The following ZNF804B variants were observed in gnomAD, a reference collection of about 807,000 sequenced individuals.
The protein encoded by ZNF804B is zinc finger 804B.
Under a neutral mutation model 101.4 loss-of-function variants are expected in ZNF804B, and 80 were observed. The observed-to-expected ratio is 0.79, with a 90% CI of 0.66 to 0.95. The LOEUF is 0.95. Among genes scored for constraint, ZNF804B ranks in the 40% least tolerant of loss-of-function variants. The pLI is 0.00. For synonymous variants in ZNF804B, 622 were observed against 558.8 expected (o/e 1.11, Z -1.59); for missense variants, 1,673 against 1,561.9 (o/e 1.07, Z -1.20).
intron 1 of ZNF804B, among the ~76,000 whole-genome samples, chr7:88,779,837 C>T (rs1450380437): frequency 6.6e-6 from 1 of 152,072 alleles, no homozygotes; most frequent in Non-Finnish European, 1.5e-5. Flanking sequence ...ATCTGTTCTC[C>T]TTTCTTCGAT....
intron 1 of ZNF804B, among the ~76,000 whole-genome samples, chr7:89,195,893 A>AG (rs55773962): frequency 0.74 from 112,714 of 151,648 alleles, 42,907 homozygotes; most frequent in African/African-American, 0.87. Flanking sequence ...CACTGCTCAA[A>AG]AAATCAGAGA....
At chr7:88,976,408 T>G (rs556926055) in intron 1 of ZNF804B, among the ~76,000 whole-genome samples, 3 of 151,824 alleles carry the variant, frequency 2.0e-5, no homozygotes, top group Admixed American at 6.6e-5. Flanking sequence ...CCATTTTTTG[T>G]GTCCTCTTCA....
chr7:89,125,387 T>C (rs1253229943), intron 1 of ZNF804B, among the ~76,000 whole-genome samples: 1 of 151,852 alleles, frequency 6.6e-6, no homozygotes, highest in Non-Finnish European at 1.5e-5. Flanking sequence ...ATCAAAATAA[T>C]TTATGCCTGG....
At chr7:89,138,409 C>T (rs571963111) in intron 1 of ZNF804B, among the ~76,000 whole-genome samples, 11 of 152,220 alleles carry the variant, frequency 7.2e-5, no homozygotes, top group Middle Eastern at 3.4e-3. Flanking sequence ...TAGGAAGTAA[C>T]TTACTTGCTT....
At chr7:89,222,012 TAAAAG>T (rs1476243216) in intron 2 of ZNF804B, among the ~76,000 whole-genome samples, 1 of 151,934 alleles carries the variant, frequency 6.6e-6, no homozygotes, top group Non-Finnish European at 1.5e-5. Flanking sequence ...GTAGGACACT[TAAAAG>T]AGAGCACACA....
intron 3 of ZNF804B, among the ~76,000 whole-genome samples, chr7:89,330,935 A>G (rs1327240666): frequency 6.6e-6 from 1 of 151,162 alleles, no homozygotes; most frequent in Non-Finnish European, 1.5e-5. Flanking sequence ...TTAGATTAAC[A>G]TAAAGCAAGA....
At chr7:88,827,027 G>T (rs1226782771) in intron 1 of ZNF804B, among the ~76,000 whole-genome samples, 2 of 152,212 alleles carry the variant, frequency 1.3e-5, no homozygotes, top group Admixed American at 1.3e-4. Context: ...TTTGAAAATT[G>T]TGTAGATAAA....
At chr7:89,271,448 A>G (rs1269562458) in intron 2 of ZNF804B, among the ~76,000 whole-genome samples, 3 of 152,088 alleles carry the variant, frequency 2.0e-5, no homozygotes, top group Non-Finnish European at 2.9e-5. Flanking sequence ...GCTTTTTGAT[A>G]TGTTGCTGGA....
At chr7:89,252,513 C>G (rs544181544) in intron 2 of ZNF804B, among the ~76,000 whole-genome samples, 2 of 152,124 alleles carry the variant, frequency 1.3e-5, no homozygotes, top group African/African-American at 4.8e-5. Context: ...ACCATTTGAT[C>G]CAGCAATCCC....
At chr7:88,862,485 A>G (rs1271196250) in intron 1 of ZNF804B, among the ~76,000 whole-genome samples, 1 of 152,178 alleles carries the variant, frequency 6.6e-6, no homozygotes, top group Non-Finnish European at 1.5e-5. Context: ...ATGGAAAACA[A>G]TGTTATGAGC....
At chr7:88,847,689 T>C (rs955095591) in intron 1 of ZNF804B, among the ~76,000 whole-genome samples, 4 of 152,062 alleles carry the variant, frequency 2.6e-5, no homozygotes, top group African/African-American at 7.2e-5. Context: ...TATGATAAAG[T>C]GTGATGAGTG....
rs57967179 is a variant in ZNF804B at position 88,892,211 on chromosome 7, C to T, written c.108+132127C>T. Among the ~76,000 whole-genome samples, 143 of 152,058 alleles carry T rather than the reference C, an allele frequency of 9.4e-4. 1 individual carries two copies. The highest frequency in any genetic ancestry group is 3.3e-3 in the African/African-American group (136 of 41,464). ...GTGTATTTAGATCTACATTTATTTT[C>T]TAATTTGTATGATCTCTGTTATTTC... On this transcript the variant is annotated intron_variant, in intron 1 of 3. Transcript: ENST00000333190.
chr7:89,100,878 TAATTA>T (rs1309255447), intron 1 of ZNF804B, among the ~76,000 whole-genome samples: 2 of 151,970 alleles, frequency 1.3e-5, no homozygotes, highest in Non-Finnish European at 2.9e-5. Context: ...AAATATTAAA[TAATTA>T]AAAGAAACCA....
rs1788952331 is a variant in ZNF804B at position 89,219,707 on chromosome 7, T to C, written c.249+1412T>C. ...GCTGTAACAAGGTACACATTCCTGA[T>C]ACCAAATGGACCTGGCATGTTGGAA... On this transcript the variant is annotated intron_variant, in intron 2 of 3. Coordinates refer to ENST00000333190, the MANE Select transcript of ZNF804B (RefSeq NM_181646.5). Among the ~76,000 whole-genome samples the C allele has an allele frequency of 2.1e-5, 3 of 141,832 alleles. 1 individual carries two copies. The South Asian group carries it at 6.8e-4, about 32-fold the overall frequency. The allele number at this position is 141,832 out of a possible 152,430, so 93.0% of individuals were successfully genotyped here.
chr7:89,005,964 G>T (rs1403543020), intron 1 of ZNF804B, among the ~76,000 whole-genome samples: 1 of 152,022 alleles, frequency 6.6e-6, no homozygotes, highest in Non-Finnish European at 1.5e-5. Flanking sequence ...AGATACTCTG[G>T]CTGGATGGAA....
chr7:88,772,856 G>A (rs1790088975), intron 1 of ZNF804B, among the ~76,000 whole-genome samples: 1 of 151,526 alleles, frequency 6.6e-6, no homozygotes, highest in African/African-American at 2.4e-5. Context: ...CTAGGAGCCA[G>A]GCAAAATAGT....
intron 1 of ZNF804B, among the ~76,000 whole-genome samples, chr7:88,911,238 A>G (rs894897839): frequency 5.9e-5 from 9 of 151,828 alleles, no homozygotes; most frequent in Admixed American, 2.0e-4. Context: ...TCATTCCCTA[A>G]GTAGGATTTT....
chr7:89,148,652 A>G (rs1270232561), intron 1 of ZNF804B, among the ~76,000 whole-genome samples: 7 of 152,116 alleles, frequency 4.6e-5, no homozygotes, highest in Non-Finnish European at 1.5e-5. Flanking sequence ...TAAAAATCCC[A>G]GATTTACCCA....
intron 1 of ZNF804B, among the ~76,000 whole-genome samples, chr7:89,004,262 G>A (rs1788337576): frequency 6.6e-6 from 1 of 151,462 alleles, no homozygotes; most frequent in African/African-American, 2.4e-5. Flanking sequence ...ACCTATATAA[G>A]AAAGGGTGAT....
Sources: allele counts gnomAD v4.1 joint callset (sites outside exome capture counted in the v4.1 genomes callset), GRCh38; gene constraint gnomAD v4.1.1; transcripts MANE v1.5; gene names NCBI Gene and HGNC (gene_info 2026-07-23, HGNC 2026-07-21).